USP7: variants seen among roughly 807,000 people sequenced by gnomAD.
USP7 encodes the protein ubiquitin C-terminal hydrolase 7.
USP7 carries 9 observed loss-of-function variants against 162.9 expected under a neutral mutation model. That is an observed-to-expected ratio of 0.06 (90% CI 0.03 to 0.10). USP7 has a LOEUF of 0.10. Among genes scored for constraint, USP7 ranks in the 10% least tolerant of loss-of-function variants. The probability of loss-of-function intolerance (pLI) is 1.00; values close to 1 mark genes in which losing one functional copy is unlikely to be tolerated. For synonymous variants in USP7, 562 were observed against 475.9 expected (o/e 1.18, Z -2.35); for missense variants, 715 against 1,373.7 (o/e 0.52, Z 7.58).
At chr16:8,904,270 G>T (rs2061823741) in intron 15 of USP7, among the ~76,000 whole-genome samples, 165 bp downstream of exon 15, 1 of 152,160 alleles carries the variant, frequency 6.6e-6, no homozygotes, top group Non-Finnish European at 1.5e-5. Flanking sequence ...TGACCCAAGG[G>T]GTCCCAGAGG....
At chr16:8,951,914 T>C (rs1279733809) in intron 1 of USP7, among the ~76,000 whole-genome samples, 5 of 152,218 alleles carry the variant, frequency 3.3e-5, no homozygotes, top group African/African-American at 4.8e-5. Flanking sequence ...AGTGTATCAG[T>C]GGCCCTGGAC....
In USP7 at chr16:8,905,291, T is replaced by C; in HGVS notation, c.1469A>G (p.Lys490Arg). 1 of 1,614,186 alleles carries C rather than the reference T, an allele frequency of 6.2e-7. No individual in the cohort carries two copies. Among genetic ancestry groups the C allele is most frequent in the Non-Finnish European group, 8.5e-7 (1 of 1,180,028 alleles). Residue 490 changes from lysine (K) to arginine (R), a missense_variant, in exon 14 of 31, where the codon AAA becomes AGA. By Grantham distance (26) the Lys-to-Arg change is conservative (BLOSUM62 2). This residue lies in a region of USP7 where 197 missense variants were observed against 306.5 expected (regional missense o/e 0.64). Transcript: ENST00000344836. ...FDDDVVSRCT[K>R]EEAIEHNYGG... ...ATAATTGTGCTCAATTGCTTCCTCT[T>C]TAGTACACCTTGACACCACGTCGTC...
At chr16:8,908,285 A>AC in intron 12 of USP7, 56 bp downstream of exon 12, 7 of 1,389,916 alleles carry the variant, frequency 5.0e-6, no homozygotes, top group Non-Finnish European at 7.1e-6. Flanking sequence ...ACTGAGACTA[A>AC]CCCCCTAGAC....
chr16:8,930,462 A>C, intron 1 of USP7, 65 bp from the exon 2 acceptor site: 1 of 1,178,066 alleles, frequency 8.5e-7, no homozygotes, highest in East Asian at 2.5e-5. Context: ...TAAGCAAAAT[A>C]TAAACTTATA....
At chr16:8,899,809 AG>A in intron 21 of USP7, 52 bp from the exon 22 acceptor site, 3 of 1,604,488 alleles carry the variant, frequency 1.9e-6, no homozygotes, top group Non-Finnish European at 8.5e-7. Flanking sequence ...GGCAGGGGGT[AG>A]CTGGTAAAAA....
At chr16:8,907,680 A>G (rs2061882142) in intron 12 of USP7, among the ~76,000 whole-genome samples, 1 of 152,136 alleles carries the variant, frequency 6.6e-6, no homozygotes, top group South Asian at 2.1e-4. Flanking sequence ...TGTCTCTACT[A>G]AAAATACAAA....
At chr16:8,916,971 A>C in intron 7 of USP7, 55 bp downstream of exon 7, 1 of 758,990 alleles carries the variant, frequency 1.3e-6, no homozygotes, top group Non-Finnish European at 1.7e-6. Flanking sequence ...ACTTGTCCTA[A>C]AAAAAAAAAA....
intron 1 of USP7, among the ~76,000 whole-genome samples, chr16:8,934,614 A>C (rs896017172): frequency 6.6e-6 from 1 of 152,246 alleles, no homozygotes; most frequent in South Asian, 2.1e-4. Flanking sequence ...ACGCAAAGCA[A>C]GCAGAGGTCT....
chr16:8,898,274 G>A, intron 25 of USP7, 86 bp downstream of exon 25: 2 of 1,126,442 alleles, frequency 1.8e-6, no homozygotes, highest in Non-Finnish European at 1.3e-6. Context: ...TTTCTGTGGT[G>A]TCTTAGTTTT....
In USP7 at chr16:8,894,946, C is replaced by T; in HGVS notation, c.3039+85G>A. The T allele has an allele frequency of 3.7e-6, 6 of 1,613,420 alleles. No individual in the cohort carries two copies. In the South Asian group the frequency reaches 6.6e-5, roughly 18 times the overall value. On this transcript the variant is annotated intron_variant, in intron 28 of 30. Coordinates refer to ENST00000344836, the MANE Select transcript of USP7 (RefSeq NM_003470.3). ...AGCCGCCAAAACCAACGCCTAACCC[C>T]AGCAGGAGCGCAGATTCGGCAACAG... is the stretch of plus-strand genomic sequence containing the variant.
At chr16:8,922,084 C>G (rs1302511141) in intron 3 of USP7, among the ~76,000 whole-genome samples, 3 of 152,196 alleles carry the variant, frequency 2.0e-5, no homozygotes, top group Non-Finnish European at 2.9e-5. Context: ...CGGACTAAAA[C>G]AAACCTAGCC....
In USP7 at chr16:8,923,333, G is replaced by A. The variant is rs1897806816; in HGVS notation, c.265C>T (p.Pro89Ser). 6.2e-7 allele frequency: 1 copy of A among 1,614,208 alleles called. No homozygotes were observed. Residue 89 changes from proline to serine, a missense_variant, in exon 3 of 31, where the codon CCG becomes TCG. Pro to Ser is a moderately conservative substitution (Grantham distance 74). This residue lies in a region of USP7 where 137 missense variants were observed against 123.5 expected (regional missense o/e 1.11). Coordinates refer to ENST00000344836, the MANE Select transcript of USP7 (RefSeq NM_003470.3). ...CATGGCAGATTTCGCACAAAACACG[G>A]AGGGCTAAGGACCGACTCACTCAGT... The part of the protein sequence containing the change: ...SRLSESVLSP[P>S]CFVRNLPWKI...
chr16:8,954,415 C>A (rs1017273306), intron 1 of USP7, among the ~76,000 whole-genome samples: 1 of 152,188 alleles, frequency 6.6e-6, no homozygotes, highest in Non-Finnish European at 1.5e-5. Context: ...AGGTAGCTCG[C>A]GTGTTCTCAA....
chr16:8,943,354 C>T (rs1389651438), intron 1 of USP7, among the ~76,000 whole-genome samples: 1 of 151,318 alleles, frequency 6.6e-6, no homozygotes, highest in Non-Finnish European at 1.5e-5. Flanking sequence ...ATAGTCTGCT[C>T]CGCAAAAGAA....
chr16:8,944,841 C>CA (rs1471901744), intron 1 of USP7, among the ~76,000 whole-genome samples: 9 of 152,308 alleles, frequency 5.9e-5, no homozygotes, highest in African/African-American at 1.9e-4. Context: ...CACAGTGGCT[C>CA]ATGCCTGTGA....
At chr16:8,947,125 T>C (rs568643558) in intron 1 of USP7, among the ~76,000 whole-genome samples, 5 of 152,178 alleles carry the variant, frequency 3.3e-5, no homozygotes, top group African/African-American at 1.2e-4. Context: ...ATTGGTTTTT[T>C]CATATTTTAA....
Position 8,941,121 on chromosome 16 carries a change from GGGCC to G in USP7, c.80-10728_80-10725del, listed in dbSNP as rs574639472. On this transcript the variant is annotated intron_variant, in intron 1 of 30. Coordinates refer to ENST00000344836, the MANE Select transcript of USP7 (RefSeq NM_003470.3). ...AAGGAGCTGCTGCCCAATTCACATG[GGGCC>G]CATGCCCCATGCCCATGAGGACCCC... Among the ~76,000 whole-genome samples the G allele has an allele frequency of 8.3e-3, 1,261 of 152,204 alleles. 11 individuals are homozygous for G. Among genetic ancestry groups the G allele is most frequent in the Middle Eastern group, 0.014 (4 of 294 alleles).
At chr16:8,930,646 G>A (rs988141648) in intron 1 of USP7, among the ~76,000 whole-genome samples, 5 of 152,154 alleles carry the variant, frequency 3.3e-5, no homozygotes, top group African/African-American at 1.2e-4. Context: ...TATTTGCAAT[G>A]ATATTCTGCA....
At chr16:8,920,105 C>T (rs142069320) in intron 5 of USP7, among the ~76,000 whole-genome samples, 4 of 152,180 alleles carry the variant, frequency 2.6e-5, no homozygotes. Context: ...AGTGTACATT[C>T]TTTAGGAACA....
Sources: gnomAD v4.1 joint callset for allele counts (sites outside exome capture counted in the v4.1 genomes callset) on GRCh38, gnomAD v4.1.1 for gene constraint, gnomAD v4.1.1 regional missense constraint, MANE v1.5 for transcripts, NCBI Gene and HGNC (gene_info 2026-07-23, HGNC 2026-07-21) for gene names.